Variants in NCALD observed in about 807,000 individuals in gnomAD.
The protein encoded by NCALD is neurocalcin delta, also known as neurocalcin-delta.
Under a neutral mutation model 18.6 loss-of-function variants are expected in NCALD, and 10 were observed. The ratio of observed to expected loss-of-function variants is 0.54; its 90% CI spans 0.33 to 0.91. The LOEUF is 0.91. Among genes scored for constraint, NCALD ranks in the 40% least tolerant of loss-of-function variants. The probability of loss-of-function intolerance (pLI) is 0.03; values close to 1 mark genes in which losing one functional copy is unlikely to be tolerated. For synonymous variants in NCALD, 88 were observed against 87.4 expected (o/e 1.01, Z -0.04); for missense variants, 184 against 247.6 (o/e 0.74, Z 1.72).
intron 4 of NCALD, among the ~76,000 whole-genome samples, chr8:101,823,221 A>G (rs554685402): frequency 2.6e-5 from 4 of 152,242 alleles, no homozygotes; most frequent in Non-Finnish European, 5.9e-5. Flanking sequence ...TGTAGAATGT[A>G]AAATTCTTTT....
At chr8:101,872,335 T>G in intron 4 of NCALD, 3 of 1,500,692 alleles carry the variant, frequency 2.0e-6, no homozygotes, top group Non-Finnish European at 2.8e-6. Flanking sequence ...TCTGTACATT[T>G]CAATAGCATG....
intron 3 of NCALD, among the ~76,000 whole-genome samples, chr8:101,910,754 G>A (rs550270567): frequency 6.6e-6 from 1 of 152,184 alleles, no homozygotes; most frequent in East Asian, 1.9e-4. Context: ...TCTATATTAA[G>A]GTACATGGCA....
intron 1 of NCALD, among the ~76,000 whole-genome samples, chr8:101,747,900 T>C (rs1810493901): frequency 6.6e-6 from 1 of 152,166 alleles, no homozygotes; most frequent in Non-Finnish European, 1.5e-5. Context: ...GCATTTTTAG[T>C]AGAGACGGGG....
At chr8:102,097,984 G>A (rs1825158626) in intron 1 of NCALD, among the ~76,000 whole-genome samples, 1 of 152,212 alleles carries the variant, frequency 6.6e-6, no homozygotes, top group Non-Finnish European at 1.5e-5. Flanking sequence ...CACACAATGT[G>A]CAAGGCACTT....
chr8:101,702,681 G>A (rs1384294669), intron 2 of NCALD, among the ~76,000 whole-genome samples: 5 of 152,220 alleles, frequency 3.3e-5, no homozygotes, highest in Non-Finnish European at 7.3e-5. Flanking sequence ...CCTTAACATG[G>A]GAAGAACTTT....
chr8:101,879,624 G>A (rs559436164), intron 4 of NCALD, among the ~76,000 whole-genome samples: 7 of 152,228 alleles, frequency 4.6e-5, no homozygotes, highest in African/African-American at 1.7e-4. Flanking sequence ...TCCCTTACCT[G>A]GCCCCACCCA....
chr8:102,019,434 A>G (rs1247964801), intron 2 of NCALD, among the ~76,000 whole-genome samples: 1 of 152,152 alleles, frequency 6.6e-6, no homozygotes, highest in African/African-American at 2.4e-5. Context: ...TATGTATTCA[A>G]CAGAAATACG....
At chr8:101,813,876 G>C (rs984787106) in intron 4 of NCALD, among the ~76,000 whole-genome samples, 4 of 152,118 alleles carry the variant, frequency 2.6e-5, no homozygotes, top group Non-Finnish European at 5.9e-5. Context: ...CCACATGTCA[G>C]ATGCTTGCCC....
chr8:101,702,379 G>A (rs1815309522), intron 2 of NCALD, among the ~76,000 whole-genome samples: 1 of 151,992 alleles, frequency 6.6e-6, no homozygotes, highest in Admixed American at 6.6e-5. Flanking sequence ...GAGACCACAG[G>A]CATGTGCCAC....
chr8:101,708,774 C>T (rs2130278067), intron 2 of NCALD, among the ~76,000 whole-genome samples: 1 of 152,290 alleles, frequency 6.6e-6, no homozygotes, highest in Middle Eastern at 3.4e-3. Flanking sequence ...ACCCTTAATA[C>T]ATGGATCCCT....
intron 2 of NCALD, among the ~76,000 whole-genome samples, chr8:101,965,611 T>C (rs1205164689): frequency 6.6e-6 from 1 of 151,818 alleles, no homozygotes; most frequent in East Asian, 1.9e-4. Context: ...CCAGGACCTG[T>C]TGTGGGGTGG....
intron 4 of NCALD, among the ~76,000 whole-genome samples, chr8:101,801,345 AT>A (rs1438524703): frequency 1.3e-5 from 2 of 152,166 alleles, no homozygotes; most frequent in African/African-American, 4.8e-5. Flanking sequence ...AAATTAACCA[AT>A]TTGACCTAAT....
intron 2 of NCALD, among the ~76,000 whole-genome samples, chr8:101,708,993 G>C (rs1306765411): frequency 6.6e-6 from 1 of 152,104 alleles, no homozygotes; most frequent in African/African-American, 2.4e-5. Flanking sequence ...AAAAATGAAG[G>C]GTGTCCAGGT....
chr8:101,885,177 T>C (rs1490781615), intron 4 of NCALD, among the ~76,000 whole-genome samples: 2 of 152,116 alleles, frequency 1.3e-5, no homozygotes, highest in Non-Finnish European at 2.9e-5. Context: ...GACAAAACCA[T>C]CCTGACTTAA....
chr8:101,752,608 TC>T (rs1586402642), intron 1 of NCALD, among the ~76,000 whole-genome samples: 1 of 152,320 alleles, frequency 6.6e-6, no homozygotes, highest in South Asian at 2.1e-4. Flanking sequence ...TGCTCTTTCA[TC>T]CCCAAATTGA....
intron 2 of NCALD, among the ~76,000 whole-genome samples, chr8:102,019,251 C>A (rs889937492): frequency 2.6e-5 from 4 of 151,696 alleles, no homozygotes; most frequent in Non-Finnish European, 5.9e-5. Flanking sequence ...ACTAAAAAAA[C>A]AAAAACAGAA....
At chr8:102,061,136 C>A (rs1823836027) in intron 1 of NCALD, among the ~76,000 whole-genome samples, 1 of 152,198 alleles carries the variant, frequency 6.6e-6, no homozygotes, top group African/African-American at 2.4e-5. Context: ...AACAAGGAAT[C>A]CCATCCAGAA....
intron 3 of NCALD, among the ~76,000 whole-genome samples, chr8:101,899,891 T>C (rs956673847): frequency 6.6e-6 from 1 of 151,914 alleles, no homozygotes; most frequent in Non-Finnish European, 1.5e-5. Context: ...ATAAAATGAA[T>C]TGGGAAATAT....
chr8:101,944,391 G>C (rs566210767), intron 2 of NCALD, among the ~76,000 whole-genome samples: 3 of 152,228 alleles, frequency 2.0e-5, no homozygotes, highest in Non-Finnish European at 4.4e-5. Flanking sequence ...AGAAAGGAGA[G>C]TGGCAGAGAA....
Sources: gnomAD v4.1 joint callset for allele counts (sites outside exome capture counted in the v4.1 genomes callset) on GRCh38, gnomAD v4.1.1 for gene constraint, MANE v1.5 for transcripts, NCBI Gene and HGNC (gene_info 2026-07-23, HGNC 2026-07-21) for gene names.